ARHGAP24: variants seen among roughly 807,000 people sequenced by gnomAD.
The protein encoded by ARHGAP24 is Rho GTPase activating protein 24, also known as rho GTPase-activating protein 24.
ARHGAP24 carries 50 observed loss-of-function variants against 76.4 expected under a neutral mutation model. The ratio of observed to expected loss-of-function variants is 0.65; its 90% CI spans 0.52 to 0.83. The LOEUF (loss-of-function observed/expected upper bound fraction) is 0.83. Among genes scored for constraint, ARHGAP24 ranks in the 40% least tolerant of loss-of-function variants. ARHGAP24 has a pLI of 0.00. For synonymous variants in ARHGAP24, 345 were observed against 323.3 expected (o/e 1.07, Z -0.72); for missense variants, 930 against 914.2 (o/e 1.02, Z -0.22).
At chr4:85,738,066 G>A (rs1448708484) in intron 3 of ARHGAP24, among the ~76,000 whole-genome samples, 3 of 151,780 alleles carry the variant, frequency 2.0e-5, no homozygotes, top group Admixed American at 6.6e-5. Flanking sequence ...GATTAAAGGC[G>A]CCCACCACCA....
At position 85,872,422 on chromosome 4, in the gene ARHGAP24, G is replaced by A. The variant is rs370892501; in HGVS notation, c.269-51226G>A. ...AGCAATTCTCCTGCCTCAGCCTCCCGAGTAACTGGGATTACAGGCGTCCAC... is the reference window on the plus strand; with the variant it reads ...AGCAATTCTCCTGCCTCAGCCTCCCAAGTAACTGGGATTACAGGCGTCCAC... On this transcript the variant is annotated intron_variant, in intron 3 of 9. Coordinates refer to ENST00000395184, the MANE Select transcript of ARHGAP24 (RefSeq NM_001025616.3). Among the ~76,000 whole-genome samples the A allele has an allele frequency of 2.6e-4, 39 of 149,922 alleles. No individual in the cohort carries two copies. In the East Asian group the frequency reaches 4.0e-3, roughly 15 times the overall value.
At chr4:85,823,234 T>G (rs1729558374) in intron 3 of ARHGAP24, among the ~76,000 whole-genome samples, 1 of 152,194 alleles carries the variant, frequency 6.6e-6, no homozygotes, top group Non-Finnish European at 1.5e-5. Flanking sequence ...AACATCATAG[T>G]GCATATTTTC....
At chr4:85,621,018 G>A (rs1351235520) in intron 2 of ARHGAP24, among the ~76,000 whole-genome samples, 1 of 152,088 alleles carries the variant, frequency 6.6e-6, no homozygotes, top group East Asian at 1.9e-4. Flanking sequence ...ACTTGTAAGT[G>A]GGAACATGCA....
chr4:85,813,288 A>G (rs1410690263), intron 3 of ARHGAP24, among the ~76,000 whole-genome samples: 1 of 152,218 alleles, frequency 6.6e-6, no homozygotes, highest in Non-Finnish European at 1.5e-5. Flanking sequence ...GAATTTCTCC[A>G]TAAACTGCTT....
Position 85,547,786 on chromosome 4 carries a change from C to G in ARHGAP24, c.-20-22736C>G, listed in dbSNP as rs141342522. Among the ~76,000 whole-genome samples the G allele has an allele frequency of 2.2e-3, 334 of 152,252 alleles. 2 individuals carry two copies. The highest frequency in any genetic ancestry group is 7.6e-3 in the African/African-American group (317 of 41,544). On this transcript the variant is annotated intron_variant, in intron 1 of 9. Coordinates refer to ENST00000395184, the MANE Select transcript of ARHGAP24 (RefSeq NM_001025616.3). ...TCTGCCAGGTTTCTCCACAGTAAAA[C>G]GAGTGTTTCACCCTTGCTAAATAAT...
chr4:85,497,844 A>C (rs1261600988), intron 1 of ARHGAP24, among the ~76,000 whole-genome samples: 1 of 151,980 alleles, frequency 6.6e-6, no homozygotes. Context: ...GAAAGAAAGA[A>C]AAGGAAAAGA....
chr4:85,481,915 T>C (rs1448627862), intron 1 of ARHGAP24, among the ~76,000 whole-genome samples: 1 of 152,190 alleles, frequency 6.6e-6, no homozygotes. Flanking sequence ...GGAATGGGAT[T>C]TCAAAGCCAG....
intron 3 of ARHGAP24, among the ~76,000 whole-genome samples, chr4:85,751,939 A>T (rs1234310903): frequency 1.3e-5 from 2 of 152,228 alleles, no homozygotes; most frequent in African/African-American, 4.8e-5. Flanking sequence ...ACTGCCTAGC[A>T]CAGTATTAAG....
At chr4:85,871,338 A>T (rs983270153) in intron 3 of ARHGAP24, among the ~76,000 whole-genome samples, 1 of 152,202 alleles carries the variant, frequency 6.6e-6, no homozygotes, top group African/African-American at 2.4e-5. Flanking sequence ...GCTGGCAAAT[A>T]CAAACATCAA....
chr4:85,547,785 A>G (rs1725975540), intron 1 of ARHGAP24, among the ~76,000 whole-genome samples: 1 of 152,156 alleles, frequency 6.6e-6, no homozygotes, highest in South Asian at 2.1e-4. Flanking sequence ...CCACAGTAAA[A>G]CGAGTGTTTC....
intron 5 of ARHGAP24, among the ~76,000 whole-genome samples, chr4:85,952,505 T>C (rs573958061): frequency 6.6e-6 from 1 of 152,342 alleles, no homozygotes; most frequent in African/African-American, 2.4e-5. Flanking sequence ...CACTTTGTCC[T>C]GTGTGAGGGA....
At chr4:85,669,896 G>T (rs1722767202) in intron 2 of ARHGAP24, among the ~76,000 whole-genome samples, 1 of 151,818 alleles carries the variant, frequency 6.6e-6, no homozygotes, top group South Asian at 2.1e-4. Flanking sequence ...GCATATTGGT[G>T]ACTAAATTAT....
intron 3 of ARHGAP24, among the ~76,000 whole-genome samples, chr4:85,888,612 C>CT (rs201566250): frequency 1.3e-5 from 2 of 151,424 alleles, no homozygotes; most frequent in South Asian, 2.1e-4. Flanking sequence ...AATTGTTTTT[C>CT]TTTTTTTTAA....
Position 86,000,914 on chromosome 4 carries a change from T to C in ARHGAP24, c.*192T>C. 1.3e-6 allele frequency: 1 copy of C among 789,976 alleles called. No individual in the cohort carries two copies. The highest frequency in any genetic ancestry group is 2.7e-5 in the East Asian group (1 of 36,398). The allele number at this position is 789,976 out of a possible 1,614,324, so 48.9% of individuals were successfully genotyped here. Reference sequence around the variant, plus strand: ...GTTATATCATGCCCCATAATGCTACTGTCAAGTGTTACAACTGGATATGTG... The same window carrying C: ...GTTATATCATGCCCCATAATGCTACCGTCAAGTGTTACAACTGGATATGTG... On this transcript the variant is annotated 3_prime_UTR_variant, in exon 10 of 10. Coordinates refer to ENST00000395184, the MANE Select transcript of ARHGAP24 (RefSeq NM_001025616.3).
intron 2 of ARHGAP24, among the ~76,000 whole-genome samples, chr4:85,624,159 T>G (rs572556397): frequency 6.6e-6 from 1 of 152,318 alleles, no homozygotes; most frequent in South Asian, 2.1e-4. Context: ...ATCCCTGTCT[T>G]GTGCCCGTTT....
chr4:85,520,948 A>G (rs1257422661), intron 1 of ARHGAP24, among the ~76,000 whole-genome samples: 1 of 152,168 alleles, frequency 6.6e-6, no homozygotes, highest in Non-Finnish European at 1.5e-5. Context: ...TCAGAGGGGG[A>G]TGTGAGAGCA....
intron 5 of ARHGAP24, among the ~76,000 whole-genome samples, chr4:85,956,590 C>G (rs1435783293): frequency 6.6e-6 from 1 of 151,608 alleles, no homozygotes; most frequent in East Asian, 1.9e-4. Flanking sequence ...TATTAGAAGC[C>G]GTGGGTCATA....
chr4:85,974,950 G>C lies in ARHGAP24; in HGVS notation c.795G>C (p.Lys265Asn), dbSNP rs1739237240. 4.3e-6 allele frequency: 7 copies of C among 1,613,682 alleles called. No homozygotes were observed. Among genetic ancestry groups the C allele is most frequent in the Non-Finnish European group, 5.9e-6 (7 of 1,179,794 alleles). The change falls in exon 7 of 10, where the codon AAG (lysine) becomes AAC (asparagine). Residue 265 changes from lysine (K) to asparagine (N), a missense_variant. By Grantham distance (94) the Lys-to-Asn change is moderately conservative. Transcript: ENST00000395184. The stretch of plus-strand genomic sequence containing the variant: ...CAGTGGTAAATTACAACCTCCTCAA[G>C]TATATTTGCAGGTAAGAACTGTCCT... ...SLPVVNYNLL[K>N]YICRFLDEVQ... is the part of the protein sequence containing the mutation.
At chr4:85,601,443 C>G (rs975396467) in intron 2 of ARHGAP24, among the ~76,000 whole-genome samples, 5 of 152,104 alleles carry the variant, frequency 3.3e-5, no homozygotes, top group African/African-American at 1.2e-4. Context: ...ATTTTCAACT[C>G]AGTACTATTG....
Sources: gnomAD v4.1 joint callset for allele counts (sites outside exome capture counted in the v4.1 genomes callset) on GRCh38, gnomAD v4.1.1 for gene constraint, MANE v1.5 for transcripts, NCBI Gene and HGNC (gene_info 2026-07-23, HGNC 2026-07-21) for gene names.